The following CDH13 variants were observed in gnomAD, a reference collection of about 807,000 sequenced individuals.
The protein encoded by CDH13 is cadherin-13.
A neutral mutation model predicts 63.8 loss-of-function variants in CDH13; 24 were observed. The observed-to-expected ratio is 0.38, with a 90% CI of 0.27 to 0.53. The LOEUF is 0.53. Among genes scored for constraint, CDH13 ranks in the 20% least tolerant of loss-of-function variants. The pLI is 0.85. For synonymous variants in CDH13, 503 were observed against 355.3 expected, an observed-to-expected ratio of 1.42 and a Z score of -4.67; for missense variants, 1,049 against 903.1, an observed-to-expected ratio of 1.16 and a Z score of -2.07.
chr16:82,873,113 C>T (rs2040398532), intron 2 of CDH13, among the ~76,000 whole-genome samples: 1 of 152,132 alleles, frequency 6.6e-6, no homozygotes, highest in South Asian at 2.1e-4. Context: ...AAGCCAAGTC[C>T]TAAACTATGA....
intron 8 of CDH13, among the ~76,000 whole-genome samples, chr16:83,619,497 A>G (rs1364268772): frequency 1.3e-5 from 2 of 152,242 alleles, no homozygotes; most frequent in Non-Finnish European, 2.9e-5. Context: ...CTGGAGGCAG[A>G]AGTCCAAGAG....
intron 6 of CDH13, among the ~76,000 whole-genome samples, chr16:83,348,342 A>T (rs2090882326): frequency 1.3e-5 from 2 of 152,186 alleles, no homozygotes; most frequent in Admixed American, 6.5e-5. Flanking sequence ...GAAAATGACT[A>T]GTTCTTCGGA....
intron 11 of CDH13, among the ~76,000 whole-genome samples, chr16:83,760,281 C>T (rs574732606): frequency 6.6e-6 from 1 of 152,252 alleles, no homozygotes; most frequent in African/African-American, 2.4e-5. Context: ...TGGGTACAGC[C>T]ACGTTGGAAA....
chr16:83,750,196 T>G (rs1460141830), intron 11 of CDH13, among the ~76,000 whole-genome samples: 2 of 152,048 alleles, frequency 1.3e-5, no homozygotes, highest in African/African-American at 4.8e-5. Context: ...CTCAGGAGGC[T>G]GAGGCAGGAG....
At chr16:82,771,814 A>T (rs2035280078) in intron 1 of CDH13, among the ~76,000 whole-genome samples, 1 of 152,274 alleles carries the variant, frequency 6.6e-6, no homozygotes, top group African/African-American at 2.4e-5. Context: ...CAAGGGTGTC[A>T]TCTCAAGCGA....
At chr16:82,842,112 G>GTATATATATA (rs1239169050) in intron 1 of CDH13, among the ~76,000 whole-genome samples, 1 of 58,962 alleles carries the variant, frequency 1.7e-5, no homozygotes, top group African/African-American at 6.8e-5. Context: ...ATATATATAT[G>GTATATATATA]TATATATATA....
intron 1 of CDH13, among the ~76,000 whole-genome samples, chr16:82,837,681 A>G (rs2038826789): frequency 6.6e-6 from 1 of 152,184 alleles, no homozygotes; most frequent in Admixed American, 6.5e-5. Flanking sequence ...AATGGTTTCT[A>G]CGAGGGAAGC....
chr16:83,341,992 CACACACA>C (rs2090734562), intron 5 of CDH13, among the ~76,000 whole-genome samples: 2 of 97,218 alleles, frequency 2.1e-5, no homozygotes, highest in African/African-American at 4.2e-5. Flanking sequence ...TCCCCTGCCA[CACACACA>C]CACACACACA....
chr16:82,892,069 C>G lies in CDH13; in HGVS notation c.157+33596C>G, dbSNP rs372785456. Among the ~76,000 whole-genome samples the G allele has an allele frequency of 2.6e-5, 4 of 152,102 alleles. No homozygotes were observed. The South Asian group carries it at 6.3e-4, about 24-fold the overall frequency. ...CGTCCCTTTATGAAGGGAGGCAGCTCAACTGCCTCCCTTCCAACCTCAGCT... is the reference window on the plus strand; with the variant it reads ...CGTCCCTTTATGAAGGGAGGCAGCTGAACTGCCTCCCTTCCAACCTCAGCT... On this transcript the variant is annotated intron_variant, in intron 2 of 13. Coordinates refer to ENST00000567109, the MANE Select transcript of CDH13 (RefSeq NM_001257.5).
chr16:83,736,737 C>A (rs1177065292), intron 10 of CDH13, among the ~76,000 whole-genome samples: 1 of 152,174 alleles, frequency 6.6e-6, no homozygotes, highest in East Asian at 1.9e-4. Flanking sequence ...CAAGCCCTGA[C>A]TAGGAAGAGC....
intron 1 of CDH13, among the ~76,000 whole-genome samples, chr16:82,851,381 G>C (rs1351920483): frequency 6.7e-6 from 1 of 149,114 alleles, no homozygotes; most frequent in Non-Finnish European, 1.5e-5. Context: ...GGTGCAGTGA[G>C]CCAAGATTGC....
Position 83,757,133 on chromosome 16 carries a change from CCTAA to C in CDH13, c.1681+8886_1681+8889del, listed in dbSNP as rs550071276. Among the ~76,000 whole-genome samples, 4 of 152,220 alleles carry C rather than the reference CCTAA, an allele frequency of 2.6e-5. No individual in the cohort carries two copies. The South Asian group carries it at 8.3e-4, about 32-fold the overall frequency. ...AGTAGCAAAATATAACCAGAAACAC[CCTAA>C]CTGACTGAACATAAAACAGTACACT... On this transcript the variant is annotated intron_variant, in intron 11 of 13. Coordinates refer to ENST00000567109, the MANE Select transcript of CDH13 (RefSeq NM_001257.5).
chr16:83,135,317 G>A (rs1423872022), intron 4 of CDH13, among the ~76,000 whole-genome samples: 1 of 152,220 alleles, frequency 6.6e-6, no homozygotes, highest in African/African-American at 2.4e-5. Context: ...TCAGTGATCT[G>A]TCCACCACAA....
chr16:83,255,601 A>G (rs1029303503), intron 5 of CDH13, among the ~76,000 whole-genome samples: 1 of 152,150 alleles, frequency 6.6e-6, no homozygotes, highest in Non-Finnish European at 1.5e-5. Flanking sequence ...CCAAACATCA[A>G]TGTCTCATTT....
At chr16:83,079,216 T>C (rs977049068) in intron 3 of CDH13, among the ~76,000 whole-genome samples, 1 of 152,232 alleles carries the variant, frequency 6.6e-6, no homozygotes, top group African/African-American at 2.4e-5. Flanking sequence ...TACTCAGCTA[T>C]ACCAGAAGTA....
At chr16:83,146,066 C>A (rs1002753781) in intron 4 of CDH13, among the ~76,000 whole-genome samples, 4 of 151,958 alleles carry the variant, frequency 2.6e-5, no homozygotes, top group East Asian at 3.9e-4. Flanking sequence ...ATGGTGGCAG[C>A]ACCTGTAATT....
chr16:83,215,073 C>CTTTTTTTTTTTTTTTTTTTTTTTTTTTT lies in CDH13; in HGVS notation c.484-2251_484-2250insTTTTTTTTTTTTTTTTTTTTTTTTTTTT, dbSNP rs571565652. The stretch of plus-strand genomic sequence containing the variant: ...TTTCATCAGAGAGTATCAAACACCT[C>CTTTTTTTTTTTTTTTTTTTTTTTTTTTT]TTTTTTTTTTTTTTTTTTTTTGAGA... On this transcript the variant is annotated intron_variant, in intron 4 of 13. Transcript: ENST00000567109. 7.1e-5 allele frequency among the ~76,000 whole-genome samples: 4 copies of CTTTTTTTTTTTTTTTTTTTTTTTTTTTT among 56,240 alleles called. 2 individuals are homozygous for CTTTTTTTTTTTTTTTTTTTTTTTTTTTT. Among genetic ancestry groups the CTTTTTTTTTTTTTTTTTTTTTTTTTTTT allele is most frequent in the African/African-American group, 2.9e-4 (4 of 13,910 alleles). 36.9% of individuals were successfully genotyped at this position (56,240 alleles called of 152,430 possible).
At chr16:83,791,976 T>G (rs1317831202) in intron 13 of CDH13, among the ~76,000 whole-genome samples, 1 of 152,228 alleles carries the variant, frequency 6.6e-6, no homozygotes, top group East Asian at 1.9e-4. Flanking sequence ...CACGCCCTAG[T>G]CAAAATACAG....
At chr16:82,922,691 C>T (rs962954984) in intron 2 of CDH13, among the ~76,000 whole-genome samples, 1 of 152,118 alleles carries the variant, frequency 6.6e-6, no homozygotes, top group African/African-American at 2.4e-5. Context: ...GAGAATTCTA[C>T]TTATGTGCAC....
Sources: gnomAD v4.1 joint callset for allele counts (sites outside exome capture counted in the v4.1 genomes callset) on GRCh38, gnomAD v4.1.1 for gene constraint, MANE v1.5 for transcripts, NCBI Gene and HGNC (gene_info 2026-07-23, HGNC 2026-07-21) for gene names.